The following GRIK2 variants were observed in gnomAD, a reference collection of about 807,000 sequenced individuals.
GRIK2 encodes the protein glutamate receptor ionotropic, kainate 2.
GRIK2 carries 32 observed loss-of-function variants against 100.3 expected under a neutral mutation model. The observed-to-expected ratio is 0.32, with a 90% CI of 0.24 to 0.43. The LOEUF (loss-of-function observed/expected upper bound fraction) is 0.43. Ranked by LOEUF, GRIK2 falls within the 20% of genes least tolerant of loss-of-function variation. GRIK2 has a pLI of 1.00. For missense variants in GRIK2, 843 were observed against 1,114.9 expected (o/e 0.76, Z 3.47); for synonymous variants, 417 against 389.4 (o/e 1.07, Z -0.83).
chr6:101,489,180 TTACTCTTTGAACAA>T (rs1772977763), intron 2 of GRIK2, among the ~76,000 whole-genome samples: 1 of 145,994 alleles, frequency 6.8e-6, no homozygotes, highest in Non-Finnish European at 1.5e-5. Context: ...GGAAGAGGGT[TTACTCTTTGAACAA>T]GGAGATGATA....
At chr6:101,896,284 A>G (rs1787436237) in intron 12 of GRIK2, among the ~76,000 whole-genome samples, 1 of 151,784 alleles carries the variant, frequency 6.6e-6, no homozygotes, top group African/African-American at 2.4e-5. Flanking sequence ...GACTGAAAGT[A>G]TCCATGTAGG....
Position 101,937,224 on chromosome 6 carries a change from G to A in GRIK2, c.2085+8592G>A, listed in dbSNP as rs142226818. On this transcript the variant is annotated intron_variant, in intron 14 of 16. Coordinates refer to ENST00000369134, the MANE Select transcript of GRIK2 (RefSeq NM_021956.5). ...ATGTGCATGAGGCCCTGCCACTCCA[G>A]CATACACTAGTATGCTATGGTTCTC... 4.6e-3 allele frequency among the ~76,000 whole-genome samples: 701 copies of A among 152,202 alleles called. 7 individuals carry two copies. Among genetic ancestry groups the A allele is most frequent in the African/African-American group, 0.016 (684 of 41,542 alleles).
At chr6:101,813,308 A>G (rs1338326021) in intron 9 of GRIK2, among the ~76,000 whole-genome samples, 1 of 152,206 alleles carries the variant, frequency 6.6e-6, no homozygotes, top group Non-Finnish European at 1.5e-5. Context: ...AGAAAAATGA[A>G]TAAAACTTAG....
intron 2 of GRIK2, among the ~76,000 whole-genome samples, chr6:101,588,175 T>C (rs1301695057): frequency 2.0e-5 from 3 of 152,018 alleles, no homozygotes; most frequent in Non-Finnish European, 4.4e-5. Flanking sequence ...AGAATGTAAA[T>C]AGATGCAACT....
chr6:101,787,813 G>T (rs1779536667), intron 7 of GRIK2, among the ~76,000 whole-genome samples: 1 of 152,064 alleles, frequency 6.6e-6, no homozygotes, highest in South Asian at 2.1e-4. Flanking sequence ...TGTCTGTTAA[G>T]TCCCTTTGGC....
intron 7 of GRIK2, among the ~76,000 whole-genome samples, chr6:101,782,539 A>C (rs1240858286): frequency 6.6e-6 from 1 of 152,052 alleles, no homozygotes; most frequent in Non-Finnish European, 1.5e-5. Flanking sequence ...ACATGATTTC[A>C]TTTCTTTTTC....
chr6:101,760,575 TAA>T (rs1491576881), intron 7 of GRIK2, among the ~76,000 whole-genome samples: 1,358 of 82,334 alleles, frequency 0.016, 222 homozygotes, highest in African/African-American at 0.087. Flanking sequence ...TATATTTAAT[TAA>T]TTATATATAA....
At chr6:101,617,046 G>A (rs769756174) in intron 2 of GRIK2, among the ~76,000 whole-genome samples, 8 of 151,340 alleles carry the variant, frequency 5.3e-5, no homozygotes, top group Non-Finnish European at 1.0e-4. Context: ...TATATTTGAT[G>A]CATAGATGTT....
At chr6:101,790,933 TG>T (rs1287623984) in intron 7 of GRIK2, among the ~76,000 whole-genome samples, 7 of 152,156 alleles carry the variant, frequency 4.6e-5, no homozygotes, top group African/African-American at 1.7e-4. Context: ...GGTTTAGTCT[TG>T]GGAGGGTGTA....
At chr6:101,702,329 A>G (rs1582989003) in intron 7 of GRIK2, among the ~76,000 whole-genome samples, 1 of 151,978 alleles carries the variant, frequency 6.6e-6, no homozygotes, top group African/African-American at 2.4e-5. Flanking sequence ...GACCCATGAA[A>G]AAGGTCTTGG....
intron 2 of GRIK2, among the ~76,000 whole-genome samples, chr6:101,455,446 C>T (rs1310607454): frequency 6.6e-6 from 1 of 151,928 alleles, no homozygotes; most frequent in Non-Finnish European, 1.5e-5. Context: ...AACTTATTTT[C>T]TAGTTTCCTC....
chr6:101,545,091 C>T (rs978186453), intron 2 of GRIK2, among the ~76,000 whole-genome samples: 2 of 152,078 alleles, frequency 1.3e-5, no homozygotes, highest in Non-Finnish European at 2.9e-5. Context: ...GAAGTTTCTC[C>T]TCTCTTGAAC....
At chr6:101,928,348 A>C in intron 13 of GRIK2, 67 bp from the exon 14 acceptor site, 1 of 845,670 alleles carries the variant, frequency 1.2e-6, no homozygotes, top group Non-Finnish European at 2.0e-6. Flanking sequence ...TGCCACTGTG[A>C]CAAAAAGTAT....
chr6:101,432,771 T>C (rs937732855), intron 2 of GRIK2, among the ~76,000 whole-genome samples: 18 of 152,292 alleles, frequency 1.2e-4, no homozygotes, highest in African/African-American at 4.1e-4. Context: ...AGCACAATAG[T>C]GACCATATAA....
At chr6:101,678,150 T>A (rs929151609) in intron 5 of GRIK2, among the ~76,000 whole-genome samples, 2 of 152,126 alleles carry the variant, frequency 1.3e-5, no homozygotes, top group Non-Finnish European at 2.9e-5. Context: ...GAGCTTTGGC[T>A]GCTTTCTCTA....
chr6:101,637,209 G>A (rs1341687004), intron 4 of GRIK2, among the ~76,000 whole-genome samples: 1 of 151,806 alleles, frequency 6.6e-6, no homozygotes, highest in African/African-American at 2.4e-5. Context: ...TTTGACTCGT[G>A]TTTCTGTACC....
In GRIK2 at chr6:101,792,572, G is replaced by T. The variant is rs558744070; in HGVS notation, c.952-7076G>T. On this transcript the variant is annotated intron_variant, in intron 7 of 16. Transcript: ENST00000369134. ...CTGGCTTGTAGAGTTTCTGCCGAGAGATCCGCTGTTAGTCTGATGGGCTTC... is the reference window on the plus strand; with the variant it reads ...CTGGCTTGTAGAGTTTCTGCCGAGATATCCGCTGTTAGTCTGATGGGCTTC... Among the ~76,000 whole-genome samples, 5 of 152,202 alleles carry T rather than the reference G, an allele frequency of 3.3e-5. No homozygotes were observed. In the East Asian group the frequency reaches 7.7e-4, roughly 24 times the overall value.
At chr6:101,488,076 G>A (rs561041011) in intron 2 of GRIK2, among the ~76,000 whole-genome samples, 1 of 146,394 alleles carries the variant, frequency 6.8e-6, no homozygotes, top group East Asian at 1.9e-4. Context: ...ATATAAAAAA[G>A]CTCTAAGTAG....
intron 15 of GRIK2, among the ~76,000 whole-genome samples, chr6:102,053,443 A>C (rs2852616): frequency 0.38 from 58,398 of 151,930 alleles, 11,571 homozygotes; most frequent in Middle Eastern, 0.47. Flanking sequence ...GCACCATGTT[A>C]TTGCTCTTAC....
Sources: gnomAD v4.1 joint callset for allele counts (sites outside exome capture counted in the v4.1 genomes callset) on GRCh38, gnomAD v4.1.1 for gene constraint, MANE v1.5 for transcripts, NCBI Gene and HGNC (gene_info 2026-07-23, HGNC 2026-07-21) for gene names.